The following NCAM1 variants were observed in gnomAD, a reference collection of about 807,000 sequenced individuals.
The protein encoded by NCAM1 is antigen recognized by monoclonal antibody 5.1H11.
NCAM1 carries 14 observed loss-of-function variants against 109.8 expected under a neutral mutation model. The observed-to-expected ratio is 0.13, with a 90% CI of 0.08 to 0.20. The LOEUF (loss-of-function observed/expected upper bound fraction) is 0.20, where lower values mean the gene tolerates loss of function less well. Ranked by LOEUF, NCAM1 falls within the 10% of genes least tolerant of loss-of-function variation. The pLI, the probability that NCAM1 is intolerant of heterozygous loss-of-function variation, is 1.00. For synonymous variants in NCAM1, 418 were observed against 442.9 expected, an observed-to-expected ratio of 0.94 and a Z score of 0.70; for missense variants, 774 against 1,109.9, an observed-to-expected ratio of 0.70 and a Z score of 4.30.
At chr11:113,083,671 C>T (rs566668867) in intron 1 of NCAM1, among the ~76,000 whole-genome samples, 75 of 152,028 alleles carry the variant, frequency 4.9e-4, no homozygotes, top group Non-Finnish European at 8.5e-4. Context: ...CTGTGCTTTT[C>T]GGTCCCCCAA....
At chr11:113,027,435 T>A (rs1952581091) in intron 1 of NCAM1, among the ~76,000 whole-genome samples, 1 of 152,232 alleles carries the variant, frequency 6.6e-6, no homozygotes, top group African/African-American at 2.4e-5. Context: ...ATGATGAGTC[T>A]CAGTACAGGT....
At chr11:113,167,700 T>G (rs1324115175) in intron 1 of NCAM1, among the ~76,000 whole-genome samples, 1 of 152,170 alleles carries the variant, frequency 6.6e-6, no homozygotes, top group African/African-American at 2.4e-5. Flanking sequence ...CACTCCAGCC[T>G]GGAGCCCGTG....
At chr11:113,231,151 C>G (rs1176686701) in intron 9 of NCAM1, 1 of 1,499,438 alleles carries the variant, frequency 6.7e-7, no homozygotes, top group East Asian at 2.5e-5. Flanking sequence ...ATAAGGATTT[C>G]TTTAATAATT....
In NCAM1 at chr11:112,989,550, T is replaced by A. The variant is rs192467737; in HGVS notation, c.52+27886T>A. ...CTCATTTAGTTGTCTAATTGTATTG[T>A]TTTGCATCTCATTGAACTTCATTAA... is the stretch of plus-strand genomic sequence containing the variant. On this transcript the variant is annotated intron_variant, in intron 1 of 19. Coordinates refer to ENST00000316851, the MANE Select transcript of NCAM1 (RefSeq NM_181351.5). Among the ~76,000 whole-genome samples the A allele has an allele frequency of 4.4e-3, 668 of 152,294 alleles. 2 individuals carry two copies. Among genetic ancestry groups the A allele is most frequent in the Non-Finnish European group, 7.3e-3 (497 of 68,028 alleles).
intron 1 of NCAM1, among the ~76,000 whole-genome samples, chr11:113,151,231 C>T (rs1942213840): frequency 6.6e-6 from 1 of 152,180 alleles, no homozygotes; most frequent in Admixed American, 6.5e-5. Context: ...AAAATGCCAG[C>T]TGCAACCAAA....
intron 1 of NCAM1, among the ~76,000 whole-genome samples, chr11:112,998,863 A>G (rs1180820647): frequency 4.6e-5 from 7 of 152,330 alleles, no homozygotes; most frequent in African/African-American, 1.7e-4. Context: ...GGTTTTTTGA[A>G]CTTTTGGATT....
rs540332743 is a variant in NCAM1, at chr11:113,238,584, C to T, written c.1825+3420C>T. 7.9e-5 allele frequency among the ~76,000 whole-genome samples: 12 copies of T among 152,222 alleles called. No individual in the cohort carries two copies. The South Asian group carries it at 1.7e-3, about 21-fold the overall frequency. On this transcript the variant is annotated intron_variant, in intron 14 of 19. Transcript: ENST00000316851. ...CCCTTTTGCTGCTAGGAACTGAGGA[C>T]GAGCCTTAGGAAGGACCTTCTCTGA...
chr11:113,048,108 G>GCTGA (rs2135380399), intron 1 of NCAM1, among the ~76,000 whole-genome samples: 1 of 152,254 alleles, frequency 6.6e-6, no homozygotes, highest in East Asian at 1.9e-4. Flanking sequence ...GGTGACTGCT[G>GCTGA]CTGAGACTTA....
chr11:113,154,278 T>G (rs1942336349), intron 1 of NCAM1, among the ~76,000 whole-genome samples: 1 of 152,116 alleles, frequency 6.6e-6, no homozygotes, highest in African/African-American at 2.4e-5. Context: ...AGTTTGGCAG[T>G]TAAGAGAAAT....
At chr11:113,190,780 A>G (rs1943652656) in intron 1 of NCAM1, among the ~76,000 whole-genome samples, 1 of 152,172 alleles carries the variant, frequency 6.6e-6, no homozygotes, top group Non-Finnish European at 1.5e-5. Flanking sequence ...GTCAGGCACC[A>G]TCTGATCTGG....
intron 1 of NCAM1, among the ~76,000 whole-genome samples, chr11:113,118,493 T>A (rs1267947214): frequency 6.6e-6 from 1 of 151,972 alleles, no homozygotes; most frequent in Non-Finnish European, 1.5e-5. Context: ...TCGGTGCTTT[T>A]GAGAATGAAA....
rs1331970557 is a variant in NCAM1, at chr11:113,237,438, C to T, written c.1825+2274C>T. 3.3e-5 allele frequency among the ~76,000 whole-genome samples: 5 copies of T among 152,206 alleles called. 1 individual carries two copies. Among genetic ancestry groups the T allele is most frequent in the Non-Finnish European group, 7.3e-5 (5 of 68,040 alleles). The stretch of plus-strand genomic sequence containing the variant: ...GGTATTCTGAGATTTTGAGCAAGTG[C>T]CAAATGTCCTACCTCAGCAGAGTTG... On this transcript the variant is annotated intron_variant, in intron 14 of 19. Coordinates refer to ENST00000316851, the MANE Select transcript of NCAM1 (RefSeq NM_181351.5).
intron 1 of NCAM1, among the ~76,000 whole-genome samples, chr11:113,187,563 C>CTGTGTGTGTG (rs33947463): frequency 0.012 from 1,796 of 147,222 alleles, 35 homozygotes; most frequent in African/African-American, 0.042. Context: ...GTGTGTGTTT[C>CTGTGTGTGTG]TGTGTGTGTG....
intron 1 of NCAM1, among the ~76,000 whole-genome samples, chr11:113,129,961 T>C (rs1941324385): frequency 6.6e-6 from 1 of 152,128 alleles, no homozygotes; most frequent in Non-Finnish European, 1.5e-5. Context: ...CTTTTTAATG[T>C]TATTATCACG....
chr11:113,255,899 C>A lies in NCAM1; in HGVS notation c.1851C>A (p.Leu617=), dbSNP rs782372161. The A allele has an allele frequency of 1.2e-6, 2 of 1,612,338 alleles. No homozygotes were observed. Among genetic ancestry groups the A allele is most frequent in the Non-Finnish European group, 1.7e-6 (2 of 1,179,406 alleles). Reference sequence around the variant, plus strand: ...CAGGGGAACCCAGTGCACCTAAGCTCGAAGGGCAGATGGGAGAGGATGGAA... The same window carrying A: ...CAGGGGAACCCAGTGCACCTAAGCTAGAAGGGCAGATGGGAGAGGATGGAA... ...PVQGEPSAPK[L]EGQMGEDGNS... The change falls in exon 16 of 20, where the codon CTC becomes CTA. Residue 617 remains leucine (L), a synonymous_variant. Transcript: ENST00000316851.
intron 15 of NCAM1, among the ~76,000 whole-genome samples, chr11:113,250,767 G>A (rs1451026727): frequency 6.6e-6 from 1 of 152,046 alleles, no homozygotes; most frequent in Non-Finnish European, 1.5e-5. Context: ...AAACAAAGTA[G>A]ATGAATAGAG....
intron 1 of NCAM1, among the ~76,000 whole-genome samples, chr11:112,996,958 G>A (rs1951611463): frequency 6.6e-6 from 1 of 152,192 alleles, no homozygotes; most frequent in Non-Finnish European, 1.5e-5. Context: ...AAACCTTGTG[G>A]TAAGGATTAC....
chr11:113,264,286 C>T (rs1946087089), intron 17 of NCAM1: 1 of 985,268 alleles, frequency 1.0e-6, no homozygotes, highest in Non-Finnish European at 1.2e-6. Flanking sequence ...CTAGCCTTTC[C>T]CTTTGGGATT....
At chr11:113,095,788 C>T (rs1449770398) in intron 1 of NCAM1, among the ~76,000 whole-genome samples, 1 of 152,132 alleles carries the variant, frequency 6.6e-6, no homozygotes, top group Non-Finnish European at 1.5e-5. Context: ...TGCTTTAGCC[C>T]CAGACATTCT....
Sources: gnomAD v4.1 joint callset for allele counts (sites outside exome capture counted in the v4.1 genomes callset) on GRCh38, gnomAD v4.1.1 for gene constraint, MANE v1.5 for transcripts, NCBI Gene and HGNC (gene_info 2026-07-23, HGNC 2026-07-21) for gene names.